Variants in SYCP2 observed in about 807,000 individuals in gnomAD.
SYCP2 encodes synaptonemal complex protein 2, also known as synaptonemal complex lateral element protein.
Under a neutral mutation model 211.3 loss-of-function variants are expected in SYCP2, and 55 were observed. The observed-to-expected ratio is 0.26, with a 90% CI of 0.21 to 0.33. The LOEUF is 0.33. SYCP2 is among the 10% of genes least tolerant of loss of function. The pLI is 1.00. For synonymous variants in SYCP2, 570 were observed against 555.2 expected (o/e 1.03, Z -0.37); for missense variants, 1,731 against 1,752.0 (o/e 0.99, Z 0.21).
At chr20:59,893,624 C>G (rs757764789) in intron 20 of SYCP2, 31 bp from the exon 21 acceptor site, 1 of 1,524,556 alleles carries the variant, frequency 6.6e-7, no homozygotes, top group Non-Finnish European at 9.0e-7. Context: ...TTAACGTAAA[C>G]TTAAGATGTT....
Position 59,900,143 on chromosome 20 carries a change from G to A in SYCP2, c.1399C>T (p.Leu467Phe). The change falls in exon 18 of 45, where the codon CTT becomes TTT. Residue 467 changes from leucine to phenylalanine, a missense_variant. Leu to Phe is a conservative substitution (Grantham distance 22). Transcript: ENST00000357552. ...SDKGNRNNSQ[L>F]EKTTPSKRKM... ...TATTTTGACACCATCTTTACCTCAA[G>A]CTGACTATTATTTCTATTCCCTTTG... The A allele has an allele frequency of 6.2e-7, 1 of 1,612,856 alleles. No individual in the cohort carries two copies. Among genetic ancestry groups the A allele is most frequent in the Non-Finnish European group, 8.5e-7 (1 of 1,179,248 alleles).
At chr20:59,886,974 G>T in intron 24 of SYCP2, 140 bp from the exon 25 acceptor site, 1 of 626,118 alleles carries the variant, frequency 1.6e-6, no homozygotes, top group Non-Finnish European at 2.6e-6. Flanking sequence ...TGTTTAGTAA[G>T]TTTGAGCTTT....
chr20:59,901,832 T>C (rs372982572), intron 15 of SYCP2, 22 bp from the exon 16 acceptor site: 29 of 1,540,916 alleles, frequency 1.9e-5, no homozygotes, highest in Admixed American at 1.9e-4. Flanking sequence ...CAACACTGAT[T>C]AGTTTACGTT....
intron 31 of SYCP2, among the ~76,000 whole-genome samples, chr20:59,879,104 T>C (rs1808914568): frequency 6.6e-6 from 1 of 152,086 alleles, no homozygotes; most frequent in African/African-American, 2.4e-5. Flanking sequence ...TTTTTATTTG[T>C]ACATCTTCCC....
chr20:59,869,829 A>G lies in SYCP2; in HGVS notation c.3710T>C (p.Ile1237Thr), dbSNP rs758074941. Reference sequence around the variant, plus strand: ...TTTGCTTTGTATATAATTTTCATTGATATGTGGAGATTCAATTTCCATAAA... The same window carrying G: ...TTTGCTTTGTATATAATTTTCATTGGTATGTGGAGATTCAATTTCCATAAA... ...ERFMEIESPH[I>T]NENYIQSKRE... Residue 1237 changes from isoleucine (I) to threonine (T), a missense_variant, in exon 36 of 45, where the codon ATC becomes ACC. This residue lies in a region of SYCP2 where 1,387 missense variants were observed against 1,351.3 expected (regional missense o/e 1.03). Transcript: ENST00000357552. The G allele has an allele frequency of 4.4e-6, 7 of 1,605,812 alleles. No homozygotes were observed. In the Admixed American group the frequency reaches 6.7e-5, roughly 15 times the overall value.
At chr20:59,929,104 A>C (rs907651821) in intron 2 of SYCP2, among the ~76,000 whole-genome samples, 1 of 152,090 alleles carries the variant, frequency 6.6e-6, no homozygotes, top group Non-Finnish European at 1.5e-5. Flanking sequence ...AAAAATGGAA[A>C]AGAAGAAGAG....
chr20:59,930,379 A>T (rs2060715492), intron 2 of SYCP2, among the ~76,000 whole-genome samples: 1 of 152,238 alleles, frequency 6.6e-6, no homozygotes, highest in Non-Finnish European at 1.5e-5. Context: ...CAAAGATAGC[A>T]TGTGAGCAAG....
At chr20:59,895,161 G>A (rs1408338559) in intron 20 of SYCP2, among the ~76,000 whole-genome samples, 1 of 152,040 alleles carries the variant, frequency 6.6e-6, no homozygotes, top group East Asian at 1.9e-4. Context: ...TCACCAATTT[G>A]TATAATCAAC....
rs2060232334 is a variant in SYCP2, at chr20:59,907,348, A to G, written c.1033+16T>C. On this transcript the variant is annotated intron_variant, in intron 15 of 44. Coordinates refer to ENST00000357552, the MANE Select transcript of SYCP2 (RefSeq NM_014258.4). ...TAAGAATTAAGAAAATTATTAGAAA[A>G]AAACAAGTTTAATACCTTCAATGCT... is the stretch of plus-strand genomic sequence containing the variant. 1.2e-5 allele frequency: 19 copies of G among 1,557,054 alleles called. No homozygotes were observed. Among genetic ancestry groups the G allele is most frequent in the Non-Finnish European group, 1.6e-5 (18 of 1,136,236 alleles).
intron 2 of SYCP2, among the ~76,000 whole-genome samples, chr20:59,928,824 C>T (rs886170774): frequency 6.6e-6 from 1 of 152,012 alleles, no homozygotes; most frequent in African/African-American, 2.4e-5. Context: ...AAATTAACTA[C>T]ATGAATGTAA....
In SYCP2 at chr20:59,892,175, C is replaced by T; in HGVS notation, c.2179G>A (p.Val727Ile). The change falls in exon 24 of 45, where the codon GTT becomes ATT. Residue 727 changes from valine to isoleucine, a missense_variant. Transcript: ENST00000357552. ...TCTTCAATTGTCTTATTTAGGAGAA[C>T]CGATTTAAAAGTAGTTTCAGATTCA... is the stretch of plus-strand genomic sequence containing the variant. ...PVESETTFKS[V>I]LLNKTIEESL... 6.2e-7 allele frequency: 1 copy of T among 1,612,504 alleles called. No individual in the cohort carries two copies. The highest frequency in any genetic ancestry group is 8.5e-7 in the Non-Finnish European group (1 of 1,179,132).
intron 2 of SYCP2, among the ~76,000 whole-genome samples, chr20:59,927,054 A>G (rs937483477): frequency 2.0e-5 from 3 of 152,136 alleles, no homozygotes; most frequent in African/African-American, 7.2e-5. Flanking sequence ...CTTCCTTTCC[A>G]TGGAAAACAG....
chr20:59,893,456 T>C (rs1600882400), intron 21 of SYCP2, 68 bp downstream of exon 21: 3 of 1,010,976 alleles, frequency 3.0e-6, no homozygotes, highest in East Asian at 2.6e-5. Context: ...TGGGGTTAAA[T>C]GGTAATACAG....
intron 8 of SYCP2, 61 bp from the exon 9 acceptor site, chr20:59,915,611 ATATTC>A (rs2060424331): frequency 2.8e-6 from 3 of 1,063,704 alleles, no homozygotes; most frequent in South Asian, 1.3e-5. Context: ...ATTAAGAGAA[ATATTC>A]TAGGCACATA....
In SYCP2 at chr20:59,929,761, T is replaced by C. The variant is rs543786461; in HGVS notation, c.-47+2301A>G. Among the ~76,000 whole-genome samples the C allele has an allele frequency of 8.6e-5, 13 of 151,872 alleles. No individual in the cohort carries two copies. In the East Asian group the frequency reaches 1.7e-3, roughly 20 times the overall value. ...CTTTATTAAAGAAGGATACAAATAC[T>C]GGGCATATGAACATTGGATGATTTG... On this transcript the variant is annotated intron_variant, in intron 2 of 44. Transcript: ENST00000357552.
At chr20:59,900,850 T>C (rs778357249) in intron 16 of SYCP2, 32 bp from the exon 17 acceptor site, 1 of 1,368,142 alleles carries the variant, frequency 7.3e-7, no homozygotes, top group Non-Finnish European at 1.0e-6. Context: ...GTGATGACAT[T>C]TTCTTCATTT....
chr20:59,892,581 G>A lies in SYCP2; in HGVS notation c.1914C>T (p.Asp638=), dbSNP rs1185040727. ...NNQRASTSSG[D]TLNQDIVINK... ...ACTAAGTTTCACCTTGATTCAATGT[G>A]TCTCCTGACGAAGTACTTGCTCTTT... Residue 638 remains aspartate, a synonymous_variant, in exon 23 of 45, where the codon GAC becomes GAT. Coordinates refer to ENST00000357552, the MANE Select transcript of SYCP2 (RefSeq NM_014258.4). 3 of 1,605,272 alleles carry A rather than the reference G, an allele frequency of 1.9e-6. No homozygotes were observed. Among genetic ancestry groups the A allele is most frequent in the Non-Finnish European group, 2.5e-6 (3 of 1,176,748 alleles).
rs745483351 is a variant in SYCP2, at chr20:59,892,389, T to C, written c.1965A>G (p.Ser655=). ...AATTATGATCAGATATTGAAGAGGA[T>C]GATTTTTGTTTAGTAAGTTTTTTAT... is the stretch of plus-strand genomic sequence containing the variant. ...VINKKLTKQK[S]SSSISDHNSE... The change falls in exon 24 of 45, where the codon TCA becomes TCG. Residue 655 remains serine (S), a synonymous_variant. Transcript: ENST00000357552. The C allele has an allele frequency of 6.4e-7, 1 of 1,561,864 alleles. No homozygotes were observed. The highest frequency in any genetic ancestry group is 1.2e-5 in the South Asian group (1 of 84,846).
chr20:59,864,139 A>T lies in SYCP2; in HGVS notation c.*172T>A. ...TCTTCTGGGCTTGGACTCATGTTATAGTGGTTCCCTCTCATCCATTAAAAG... is the reference window on the plus strand; with the variant it reads ...TCTTCTGGGCTTGGACTCATGTTATTGTGGTTCCCTCTCATCCATTAAAAG... On this transcript the variant is annotated 3_prime_UTR_variant, in exon 45 of 45. Coordinates refer to ENST00000357552, the MANE Select transcript of SYCP2 (RefSeq NM_014258.4). The T allele has an allele frequency of 2.3e-6, 1 of 437,714 alleles. No individual in the cohort carries two copies. Among genetic ancestry groups the T allele is most frequent in the Non-Finnish European group, 4.1e-6 (1 of 243,914 alleles). 27.1% of individuals were successfully genotyped at this position (437,714 alleles called of 1,614,324 possible).
Sources: gnomAD v4.1 joint callset for allele counts (sites outside exome capture counted in the v4.1 genomes callset) on GRCh38, gnomAD v4.1.1 for gene constraint, gnomAD v4.1.1 regional missense constraint, MANE v1.5 for transcripts, NCBI Gene and HGNC (gene_info 2026-07-23, HGNC 2026-07-21) for gene names.